YPEL1: variants seen among roughly 807,000 people sequenced by gnomAD.
YPEL1 encodes protein yippee-like 1.
YPEL1 carries 7 observed loss-of-function variants against 17.3 expected under a neutral mutation model. That is an observed-to-expected ratio of 0.40 (90% CI 0.23 to 0.76). The LOEUF (loss-of-function observed/expected upper bound fraction) is 0.76. Among genes scored for constraint, YPEL1 ranks in the 30% least tolerant of loss-of-function variants. The pLI is 0.35. For missense variants in YPEL1, 91 were observed against 155.5 expected, an observed-to-expected ratio of 0.59 and a Z score of 2.21; for synonymous variants, 59 against 59.6, an observed-to-expected ratio of 0.99 and a Z score of 0.05.
chr22:21,726,756 T>A (rs1248989353), intron 1 of YPEL1, among the ~76,000 whole-genome samples: 4 of 152,116 alleles, frequency 2.6e-5, no homozygotes, highest in Non-Finnish European at 5.9e-5. Flanking sequence ...ACCTGGGCTG[T>A]CCCCACAGCA....
chr22:21,704,658 GAAAAAAAAA>G (rs34942655), intron 2 of YPEL1, among the ~76,000 whole-genome samples: 1 of 88,164 alleles, frequency 1.1e-5, no homozygotes, highest in African/African-American at 4.1e-5. Flanking sequence ...ACCCCGTCTC[GAAAAAAAAA>G]AAAAAAAAAA....
intron 4 of YPEL1, among the ~76,000 whole-genome samples, chr22:21,702,851 A>G (rs1161902873): frequency 6.6e-6 from 1 of 152,188 alleles, no homozygotes; most frequent in Non-Finnish European, 1.5e-5. Flanking sequence ...TGGTGGAGAG[A>G]GAAGGGAGCT....
At chr22:21,730,724 G>A (rs2068378355) in intron 1 of YPEL1, among the ~76,000 whole-genome samples, 2 of 152,196 alleles carry the variant, frequency 1.3e-5, no homozygotes, top group Non-Finnish European at 2.9e-5. Flanking sequence ...CAGCCTAGGT[G>A]CACAATGGGA....
rs2068403240 is a variant in YPEL1, at chr22:21,733,004, T to C, written c.-165+2611A>G. ...GGTGGTGCACACCCACAGTCCCAGCTACTCAGAAGGCTGAGGCTGTAGGAT... is the reference window on the plus strand; with the variant it reads ...GGTGGTGCACACCCACAGTCCCAGCCACTCAGAAGGCTGAGGCTGTAGGAT... On this transcript the variant is annotated intron_variant, in intron 1 of 4. Transcript: ENST00000339468. 2.0e-5 allele frequency among the ~76,000 whole-genome samples: 3 copies of C among 152,122 alleles called. No individual in the cohort carries two copies. The South Asian group carries it at 6.2e-4, about 32-fold the overall frequency.
chr22:21,725,766 G>A (rs1406555293), intron 1 of YPEL1, among the ~76,000 whole-genome samples: 1 of 151,684 alleles, frequency 6.6e-6, no homozygotes, highest in Non-Finnish European at 1.5e-5. Context: ...GCCAGGGCAG[G>A]AGGATCACTT....
At chr22:21,711,469 G>A (rs1043866065) in intron 1 of YPEL1, among the ~76,000 whole-genome samples, 2 of 152,194 alleles carry the variant, frequency 1.3e-5, no homozygotes, top group African/African-American at 2.4e-5. Context: ...ACCCCACCCC[G>A]AATCCGGGAA....
rs1460843965 is a variant in YPEL1, at chr22:21,703,798, G to A, written c.161+41C>T. On this transcript the variant is annotated intron_variant, in intron 3 of 4. Coordinates refer to ENST00000339468, the MANE Select transcript of YPEL1 (RefSeq NM_013313.5). This position sits in a 1 kb window ranked among gnomAD's most constrained non-coding sequence, Gnocchi z 6.1. ...TGTAGGTGCCATCCAGGCCGTCCCA[G>A]GGCCCGTGCCGCTCCCCCCGGGCTG... 6.2e-7 allele frequency: 1 copy of A among 1,601,520 alleles called. No individual in the cohort carries two copies. Among genetic ancestry groups the A allele is most frequent in the East Asian group, 2.3e-5 (1 of 44,096 alleles).
At chr22:21,707,297 G>A (rs1261298589) in intron 2 of YPEL1, among the ~76,000 whole-genome samples, 1 of 152,024 alleles carries the variant, frequency 6.6e-6, no homozygotes, top group East Asian at 1.9e-4. Flanking sequence ...CACACCTGTA[G>A]TCCCAGCTAC....
In YPEL1 at chr22:21,703,393, T is replaced by C; in HGVS notation, c.247A>G (p.Lys83Glu). 6.2e-7 allele frequency: 1 copy of C among 1,613,610 alleles called. No homozygotes were observed. Among genetic ancestry groups the C allele is most frequent in the South Asian group, 1.1e-5 (1 of 91,086 alleles). The change falls in exon 4 of 5, where the codon AAG (lysine) becomes GAG (glutamate). Residue 83 changes from lysine to glutamate, a missense_variant. Transcript: ENST00000339468. This position sits in a 1 kb window ranked among gnomAD's most constrained non-coding sequence, Gnocchi z 6.1. ...AVADIYCENC[K>E]TTLGWKYEHA... The stretch of plus-strand genomic sequence containing the variant: ...ACGTATTTCCACCCGAGCGTGGTCT[T>C]GCAGTTCTCGCAGTAGATGTCGGCA...
chr22:21,698,205 T>G lies in YPEL1; in HGVS notation c.*2924A>C, dbSNP rs1244492724. On this transcript the variant is annotated 3_prime_UTR_variant, in exon 5 of 5. Transcript: ENST00000339468. ...TTCATTTGGTTTAAAAATGAGCTTG[T>G]ATTTTGCAGAAGCCCAACAAAAAAA... The G allele has an allele frequency of 1.4e-5, 2 of 146,462 alleles. No homozygotes were observed. The highest frequency in any genetic ancestry group is 6.9e-5 in the Admixed American group (1 of 14,428). 9.1% of individuals were successfully genotyped at this position (146,462 alleles called of 1,614,324 possible).
intron 2 of YPEL1, among the ~76,000 whole-genome samples, chr22:21,707,721 G>T (rs1040234758): frequency 6.6e-6 from 1 of 152,144 alleles, no homozygotes; most frequent in African/African-American, 2.4e-5. Flanking sequence ...TTTTAAATAG[G>T]GTTTGGCTCA....
Position 21,703,334 on chromosome 22 carries a change from C to G in YPEL1, c.270+36G>C. On this transcript the variant is annotated intron_variant, in intron 4 of 4. Coordinates refer to ENST00000339468, the MANE Select transcript of YPEL1 (RefSeq NM_013313.5). The surrounding 1 kb of genome is among the most constrained non-coding windows in gnomAD (Gnocchi z 6.1). ...GCTCAGTGGCAACTTAGTGCCACAT[C>G]CCCTTGTGGCACGAGCATCCCCTTG... 1 of 1,578,584 alleles carries G rather than the reference C, an allele frequency of 6.3e-7. No homozygotes were observed.
At chr22:21,720,848 A>T in intron 1 of YPEL1, among the ~76,000 whole-genome samples, 1 of 130,062 alleles carries the variant, frequency 7.7e-6, no homozygotes, top group Non-Finnish European at 1.6e-5. Flanking sequence ...TTGCTCTGTC[A>T]CTCAGACTGG....
At chr22:21,710,184 C>T (rs2068151474) in intron 2 of YPEL1, among the ~76,000 whole-genome samples, 2 of 152,180 alleles carry the variant, frequency 1.3e-5, no homozygotes, top group East Asian at 3.8e-4. Context: ...GGCTCCTACA[C>T]AACCGACAAA....
chr22:21,724,542 GA>G (rs897498749), intron 1 of YPEL1, among the ~76,000 whole-genome samples: 65 of 149,586 alleles, frequency 4.3e-4, no homozygotes, highest in Middle Eastern at 3.5e-3. Context: ...ATCCTGGGGG[GA>G]AAAAAATAGT....
At chr22:21,728,595 G>A (rs1281113645) in intron 1 of YPEL1, among the ~76,000 whole-genome samples, 2 of 152,164 alleles carry the variant, frequency 1.3e-5, no homozygotes, top group East Asian at 3.9e-4. Flanking sequence ...CTGTGAAGCT[G>A]GATTCAAAGC....
At chr22:21,704,304 G>A (rs1456770777) in intron 2 of YPEL1, among the ~76,000 whole-genome samples, 2 of 152,150 alleles carry the variant, frequency 1.3e-5, no homozygotes, top group East Asian at 3.9e-4. Flanking sequence ...ATGTGCTCAC[G>A]CTGCCAGATA....
chr22:21,703,460 G>GC lies in YPEL1; in HGVS notation c.179dup (p.Ala62CysfsTer34). 6.2e-7 allele frequency: 1 copy of GC among 1,610,816 alleles called. No individual in the cohort carries two copies. Among genetic ancestry groups the GC allele is most frequent in the Non-Finnish European group, 8.5e-7 (1 of 1,179,914 alleles). On this transcript the variant is annotated frameshift_variant, in exon 4 of 5. Transcript: ENST00000339468. LOFTEE classifies it high-confidence loss of function. The surrounding 1 kb of genome is among the most constrained non-coding windows in gnomAD (Gnocchi z 6.1). The stretch of plus-strand genomic sequence containing the variant: ...TGAGAAGGACCCTCTCCTCTGCAGG[G>GC]CCGCAGCCCACGTTCACCCTGCGGG...
intron 1 of YPEL1, 61 bp downstream of exon 1, chr22:21,735,554 A>C (rs1219049885): frequency 6.8e-6 from 1 of 147,358 alleles, no homozygotes; most frequent in African/African-American, 2.5e-5. Context: ...CAGCCACAGT[A>C]TCCTTGGGTG....
Sources: gnomAD v4.1 joint callset for allele counts (sites outside exome capture counted in the v4.1 genomes callset) on GRCh38, gnomAD v4.1.1 for gene constraint, Gnocchi (gnomAD v3.1) non-coding constraint, MANE v1.5 for transcripts, NCBI Gene and HGNC (gene_info 2026-07-23, HGNC 2026-07-21) for gene names.